Variants in TET1 observed in about 807,000 individuals in gnomAD.
TET1 encodes the protein tet methylcytosine dioxygenase 1.
TET1 carries 13 observed loss-of-function variants against 148.7 expected under a neutral mutation model. That is an observed-to-expected ratio of 0.09 (90% confidence interval 0.06 to 0.14). The LOEUF (loss-of-function observed/expected upper bound fraction) is 0.14. Ranked by LOEUF, TET1 falls within the 10% of genes least tolerant of loss-of-function variation. TET1 has a pLI of 1.00. For synonymous variants in TET1, 907 were observed against 937.2 expected, an observed-to-expected ratio of 0.97 and a Z score of 0.59; for missense variants, 2,182 against 2,553.8, an observed-to-expected ratio of 0.85 and a Z score of 3.14.
At chr10:68,684,055 GT>G (rs1450779543) in intron 10 of TET1, among the ~76,000 whole-genome samples, 1 of 152,048 alleles carries the variant, frequency 6.6e-6, no homozygotes, top group South Asian at 2.1e-4. Context: ...TGCTGCACCA[GT>G]TTTTTAGGTT....
chr10:68,655,855 T>C (rs12259509), intron 6 of TET1, among the ~76,000 whole-genome samples: 27,682 of 152,106 alleles, frequency 0.18, 3,137 homozygotes, highest in African/African-American at 0.31. Context: ...CCTGACTTCA[T>C]GGCAGAAGGT....
At chr10:68,575,308 C>T (rs1564949776) in intron 2 of TET1, among the ~76,000 whole-genome samples, 1 of 151,952 alleles carries the variant, frequency 6.6e-6, no homozygotes, top group Non-Finnish European at 1.5e-5. Context: ...CACTTGAACC[C>T]AGGAGGCAGA....
At chr10:68,657,379 T>C (rs1404931088) in intron 6 of TET1, among the ~76,000 whole-genome samples, 1 of 152,028 alleles carries the variant, frequency 6.6e-6, no homozygotes, top group Non-Finnish European at 1.5e-5. Flanking sequence ...GGTTTCGCCG[T>C]GTTAGCCAGG....
At chr10:68,682,193 C>CT in intron 9 of TET1, among the ~76,000 whole-genome samples, 1 of 148,208 alleles carries the variant, frequency 6.7e-6, no homozygotes, top group East Asian at 2.1e-4. Context: ...ACTGCACCCT[C>CT]TGCCTCCCAG....
intron 11 of TET1, among the ~76,000 whole-genome samples, chr10:68,687,584 T>C (rs2055532545): frequency 6.6e-6 from 1 of 152,144 alleles, no homozygotes; most frequent in Non-Finnish European, 1.5e-5. Flanking sequence ...TTCTTTGTTA[T>C]TTTGTTTTTG....
Position 68,686,457 on chromosome 10 carries a change from G to T in TET1, c.5154G>T (p.Glu1718Asp). ...TTTATAAGCTTTCAGACACAGATGA[G>T]TTTGGCTCCAAGGAAGGAATGGAAG... ...LPLYKLSDTDEFGSKEGMEAK... is the reference protein window; with the variant it reads ...LPLYKLSDTDDFGSKEGMEAK... The change falls in exon 11 of 12, where the codon GAG becomes GAT. Residue 1718 changes from glutamate (E) to aspartate (D), a missense_variant. This residue lies in a region of TET1 where 380 missense variants were observed against 387.9 expected (regional missense o/e 0.98). Coordinates refer to ENST00000373644, the MANE Select transcript of TET1 (RefSeq NM_030625.3). 2 of 1,614,126 alleles carry T rather than the reference G, an allele frequency of 1.2e-6. No individual in the cohort carries two copies. The highest frequency in any genetic ancestry group is 1.7e-6 in the Non-Finnish European group (2 of 1,180,034).
chr10:68,593,370 T>C (rs2053941067), intron 2 of TET1, among the ~76,000 whole-genome samples: 1 of 152,092 alleles, frequency 6.6e-6, no homozygotes, highest in Non-Finnish European at 1.5e-5. Context: ...ACCTGGGTTC[T>C]TTTAAGGTTC....
chr10:68,589,662 A>ATTTT (rs57278279), intron 2 of TET1, among the ~76,000 whole-genome samples: 14 of 109,738 alleles, frequency 1.3e-4, no homozygotes, highest in African/African-American at 4.3e-4. Context: ...AATATCTCCA[A>ATTTT]TTTTTTTTTT....
intron 3 of TET1, among the ~76,000 whole-genome samples, chr10:68,644,146 G>C (rs760632522): frequency 1.3e-5 from 2 of 151,494 alleles, no homozygotes; most frequent in Non-Finnish European, 2.9e-5. Context: ...CTTGTGATCC[G>C]CCCACCTTGG....
chr10:68,642,603 C>A (rs1266825069), intron 3 of TET1, among the ~76,000 whole-genome samples: 1 of 151,972 alleles, frequency 6.6e-6, no homozygotes, highest in East Asian at 1.9e-4. Context: ...GAATTGTACA[C>A]TTTTCTTCTT....
intron 2 of TET1, among the ~76,000 whole-genome samples, chr10:68,583,098 T>C (rs74809694): frequency 0.032 from 4,818 of 152,308 alleles, 126 homozygotes; most frequent in African/African-American, 0.075. Flanking sequence ...AACATCTTCA[T>C]CTAGTGTCAG....
chr10:68,572,824 C>T lies in TET1; in HGVS notation c.486C>T (p.Asp162=), dbSNP rs2053685844. The T allele has an allele frequency of 2.5e-6, 4 of 1,614,028 alleles. No individual in the cohort carries two copies. The African/African-American group carries it at 4.0e-5, about 16-fold the overall frequency. The change falls in exon 2 of 12, where the codon GAC becomes GAT. Residue 162 remains aspartate (D), a synonymous_variant. Transcript: ENST00000373644. ...AAAATGATTCGGTTCCAATGCAAGA[C>T]ACCCAAGTCCTTCCTGATATAGAGA... is the stretch of plus-strand genomic sequence containing the variant. The part of the protein sequence containing the change: ...HSENDSVPMQ[D]TQVLPDIETL...
chr10:68,663,426 A>T (rs10998372), intron 6 of TET1, among the ~76,000 whole-genome samples: 27,703 of 152,086 alleles, frequency 0.18, 3,145 homozygotes, highest in African/African-American at 0.31. Context: ...GGTTATTCCC[A>T]CTATATAGTA....
chr10:68,595,961 TACACACACACACACACATATATACAC>T, intron 2 of TET1, among the ~76,000 whole-genome samples: 1 of 37,294 alleles, frequency 2.7e-5, no homozygotes, highest in African/African-American at 8.7e-5. Flanking sequence ...TATATATATA[TACACACACACACACACATATATACAC>T]ACACACACAC....
At position 68,562,180 on chromosome 10, in the gene TET1, C is replaced by T. The variant is rs113426299; in HGVS notation, c.-123+1438C>T. ...CTGTATAGCAGCAGCCCCAGGTCTC[C>T]CCTGGACCTGAGTGTGCTCGGCGTC... is the stretch of plus-strand genomic sequence containing the variant. On this transcript the variant is annotated intron_variant, in intron 1 of 11. Transcript: ENST00000373644. 5.3e-5 allele frequency among the ~76,000 whole-genome samples: 8 copies of T among 152,212 alleles called. 1 individual carries two copies. Among genetic ancestry groups the T allele is most frequent in the African/African-American group, 1.9e-4 (8 of 41,530 alleles).
At chr10:68,561,155 G>C (rs2053548154) in intron 1 of TET1, among the ~76,000 whole-genome samples, 1 of 152,168 alleles carries the variant, frequency 6.6e-6, no homozygotes, top group East Asian at 1.9e-4. Flanking sequence ...TGGAGGTCGG[G>C]GCGCCTCGGG....
At chr10:68,674,036 A>G (rs1182206669) in intron 8 of TET1, among the ~76,000 whole-genome samples, 1 of 136,306 alleles carries the variant, frequency 7.3e-6, no homozygotes, top group African/African-American at 2.9e-5. Context: ...ATCTTGGCTC[A>G]CTGCAACCTC....
intron 1 of TET1, among the ~76,000 whole-genome samples, chr10:68,565,507 GAC>G (rs35768196): frequency 0.57 from 81,022 of 143,000 alleles, 23,331 homozygotes; most frequent in Middle Eastern, 0.66. Context: ...TATGCACACA[GAC>G]ACACACACAT....
rs555532257 is a variant in TET1, at chr10:68,637,068, G to A, written c.1969-7630G>A. Among the ~76,000 whole-genome samples, 9 of 151,496 alleles carry A rather than the reference G, an allele frequency of 5.9e-5. No homozygotes were observed. The East Asian group carries it at 1.6e-3, about 26-fold the overall frequency. Reference sequence around the variant, plus strand: ...GGCTGGAGTGCAGTGGTGCAATTTCGGCTCACTGCAACCTCCGCCTTCCGG... The same window carrying A: ...GGCTGGAGTGCAGTGGTGCAATTTCAGCTCACTGCAACCTCCGCCTTCCGG... On this transcript the variant is annotated intron_variant, in intron 3 of 11. Coordinates refer to ENST00000373644, the MANE Select transcript of TET1 (RefSeq NM_030625.3).
Sources: allele counts gnomAD v4.1 joint callset (sites outside exome capture counted in the v4.1 genomes callset), GRCh38; gene constraint gnomAD v4.1.1; regional missense constraint gnomAD v4.1.1; transcripts MANE v1.5; gene names NCBI Gene and HGNC (gene_info 2026-07-23, HGNC 2026-07-21).